Variants in PAOX observed in about 807,000 individuals in gnomAD.
PAOX encodes the protein peroxisomal N(1)-acetyl-spermine/spermidine oxidase.
In PAOX, 38 loss-of-function variants were observed where a neutral mutation model predicts 39.0. The ratio of observed to expected loss-of-function variants is 0.97; its 90% CI spans 0.75 to 1.28. The LOEUF is 1.28. Ranked by LOEUF, PAOX falls within the 50% of genes most tolerant of loss-of-function variation. The pLI is 0.00. For missense variants in PAOX, 667 were observed against 685.7 expected, an observed-to-expected ratio of 0.97 and a Z score of 0.30; for synonymous variants, 311 against 314.4, an observed-to-expected ratio of 0.99 and a Z score of 0.11.
intron 4 of PAOX, among the ~76,000 whole-genome samples, chr10:133,385,971 CTTAAAA>C (rs1849521536): frequency 2.0e-5 from 3 of 150,444 alleles, no homozygotes. Flanking sequence ...TGAATATTTT[CTTAAAA>C]TTTAATGAAG....
Position 133,389,014 on chromosome 10 carries a change from C to T in PAOX, c.1180C>T (p.Leu394=). Residue 394 remains leucine, a synonymous_variant, in exon 5 of 7, where the codon CTG becomes TTG. Coordinates refer to ENST00000278060, the MANE Select transcript of PAOX (RefSeq NM_152911.4). ...ACTTGAGTCTGAGTTCATGGAGACT[C>T]TGTCGGATGAAGAAGTACTTCTGTG... The part of the protein sequence containing the change: ...AGLESEFMET[L]SDEEVLLCLT... The T allele has an allele frequency of 6.2e-7, 1 of 1,614,176 alleles. No homozygotes were observed. The highest frequency in any genetic ancestry group is 8.5e-7 in the Non-Finnish European group (1 of 1,180,032).
At chr10:133,386,974 G>A (rs7897693) in intron 4 of PAOX, among the ~76,000 whole-genome samples, 135,169 of 152,252 alleles carry the variant, frequency 0.89, 60,771 homozygotes, top group East Asian at 0.97. Context: ...TCTATCCATG[G>A]CTTTAGTCAT....
intron 2 of PAOX, among the ~76,000 whole-genome samples, chr10:133,380,973 A>G (rs1849352121): frequency 6.6e-6 from 1 of 152,242 alleles, no homozygotes; most frequent in Non-Finnish European, 1.5e-5. Context: ...GTGAGACTCC[A>G]TCTCAAAAGA....
At chr10:133,383,829 A>C (rs1849461517) in intron 3 of PAOX, 131 bp from the exon 4 acceptor site, 2 of 1,245,334 alleles carry the variant, frequency 1.6e-6, no homozygotes, top group Non-Finnish European at 2.2e-6. Flanking sequence ...ACAAAAAAGT[A>C]AAACTGCTTG....
At position 133,379,388 on chromosome 10, in the gene PAOX, G is replaced by A. The variant is rs1037104395; in HGVS notation, c.72G>A (p.Ala24=). 3 of 1,221,492 alleles carry A rather than the reference G, an allele frequency of 2.5e-6. No individual in the cohort carries two copies. Among genetic ancestry groups the A allele is most frequent in the Non-Finnish European group, 3.1e-6 (3 of 981,624 alleles). The allele number at this position is 1,221,492 out of a possible 1,614,324, so 75.7% of individuals were successfully genotyped here. A position where few individuals can be genotyped will look rare whatever the true frequency, so the allele number is the denominator to read the frequency against. The change falls in exon 1 of 7, where the codon GCG becomes GCA. Residue 24 remains alanine (A), a synonymous_variant. Coordinates refer to ENST00000278060, the MANE Select transcript of PAOX (RefSeq NM_152911.4). ...TGCTGGTGGTGGGCGGCGGCATCGC[G>A]GGGCTGGGCGCGGCGCAGAGGCTCT... The part of the protein sequence containing the change: ...PRVLVVGGGI[A]GLGAAQRLCG...
At position 133,389,005 on chromosome 10, in the gene PAOX, A is replaced by C; in HGVS notation, c.1171A>C (p.Met391Leu). The change falls in exon 5 of 7, where the codon ATG (methionine) becomes CTG (leucine). Residue 391 changes from methionine (M) to leucine (L), a missense_variant. Physicochemically the swap from Met to Leu is conservative, Grantham distance 15 (BLOSUM62 2). Coordinates refer to ENST00000278060, the MANE Select transcript of PAOX (RefSeq NM_152911.4). ...CATTGCCGGACTTGAGTCTGAGTTCATGGAGACTCTGTCGGATGAAGAAGT... is the reference window on the plus strand; with the variant it reads ...CATTGCCGGACTTGAGTCTGAGTTCCTGGAGACTCTGTCGGATGAAGAAGT... ...GFIAGLESEF[M>L]ETLSDEEVLL... 6.2e-7 allele frequency: 1 copy of C among 1,613,976 alleles called. No homozygotes were observed. Among genetic ancestry groups the C allele is most frequent in the East Asian group, 2.2e-5 (1 of 44,868 alleles).
chr10:133,387,224 A>C (rs1038992427), intron 4 of PAOX, among the ~76,000 whole-genome samples: 4 of 152,134 alleles, frequency 2.6e-5, no homozygotes, highest in Non-Finnish European at 4.4e-5. Context: ...GGTTGCAGTG[A>C]GCTGTGATCA....
intron 4 of PAOX, among the ~76,000 whole-genome samples, chr10:133,386,853 A>G (rs1451817318): frequency 6.6e-6 from 1 of 152,232 alleles, no homozygotes; most frequent in Non-Finnish European, 1.5e-5. Flanking sequence ...ATGTAGTAGT[A>G]ATTCCTTAAA....
At position 133,384,161 on chromosome 10, in the gene PAOX, A is replaced by G; in HGVS notation, c.1070A>G (p.Gln357Arg). The G allele has an allele frequency of 6.2e-7, 1 of 1,614,188 alleles. No individual in the cohort carries two copies. The change falls in exon 4 of 7, where the codon CAG becomes CGG. Residue 357 changes from glutamine to arginine, a missense_variant. Coordinates refer to ENST00000278060, the MANE Select transcript of PAOX (RefSeq NM_152911.4). This position sits in a 1 kb window ranked among gnomAD's most constrained non-coding sequence, Gnocchi z 4.3. ...SPLEDAAPELQDAWFRKLIGF... is the reference protein window; with the variant it reads ...SPLEDAAPELRDAWFRKLIGF... ...CTGGAGGATGCTGCCCCTGAGCTAC[A>G]GGACGCCTGGTTCCGGAAGCTCATT...
intron 3 of PAOX, 24 bp downstream of exon 3, chr10:133,381,683 C>G (rs752302844): frequency 6.2e-7 from 1 of 1,609,838 alleles, no homozygotes. Context: ...TCAGCCCAAA[C>G]CCCCATCCCA....
chr10:133,390,110 G>A (rs1203385047), intron 6 of PAOX, among the ~76,000 whole-genome samples: 1 of 152,098 alleles, frequency 6.6e-6, no homozygotes, highest in Non-Finnish European at 1.5e-5. Flanking sequence ...TGTGCAAAAT[G>A]TCAAACATAC....
chr10:133,385,792 C>A (rs1849515817), intron 4 of PAOX, among the ~76,000 whole-genome samples: 1 of 152,022 alleles, frequency 6.6e-6, no homozygotes, highest in South Asian at 2.1e-4. Context: ...ACCGTGTTAG[C>A]CAGGATGGTC....
rs756764269 is a variant in PAOX at position 133,389,088 on chromosome 10, G to A, written c.1234+20G>A. 25 of 1,553,856 alleles carry A rather than the reference G, an allele frequency of 1.6e-5. No homozygotes were observed. The East Asian group carries it at 3.4e-4, about 21-fold the overall frequency. ...TGACAGGTAGGTACTCACCACACAC[G>A]CTGGTTCCTGCCTCTGCTCGTTACT... On this transcript the variant is annotated intron_variant, in intron 5 of 6. Coordinates refer to ENST00000278060, the MANE Select transcript of PAOX (RefSeq NM_152911.4).
At chr10:133,381,972 G>T (rs1257798462) in intron 3 of PAOX, among the ~76,000 whole-genome samples, 1 of 124,980 alleles carries the variant, frequency 8.0e-6, no homozygotes, top group African/African-American at 2.9e-5. Context: ...GGCATGAAAG[G>T]CCTGGTCTGA....
intron 3 of PAOX, 132 bp from the exon 4 acceptor site, chr10:133,383,828 T>G: frequency 8.0e-7 from 1 of 1,242,476 alleles, no homozygotes; most frequent in Non-Finnish European, 1.1e-6. Flanking sequence ...GACAAAAAAG[T>G]AAAACTGCTT....
intron 4 of PAOX, 51 bp from the exon 5 acceptor site, chr10:133,388,905 C>G (rs760586033): frequency 3.7e-6 from 3 of 814,660 alleles, no homozygotes; most frequent in African/African-American, 1.7e-5. Flanking sequence ...TCCCAGGGCT[C>G]TCTTTCTCCA....
chr10:133,381,802 A>C, intron 3 of PAOX, 143 bp downstream of exon 3: 1 of 828,280 alleles, frequency 1.2e-6, no homozygotes, highest in Non-Finnish European at 1.9e-6. Flanking sequence ...GGAAGGAATG[A>C]TTCTGTTATG....
At position 133,380,345 on chromosome 10, in the gene PAOX, C is replaced by CA. The variant is rs1353071776; in HGVS notation, c.529dup (p.Arg177LysfsTer47). On this transcript the variant is annotated frameshift_variant, in exon 2 of 7. Coordinates refer to ENST00000278060, the MANE Select transcript of PAOX (RefSeq NM_152911.4). LOFTEE classifies it high-confidence loss of function. The stretch of plus-strand genomic sequence containing the variant: ...CCGGCTGGACAGAGGATGAGGAGAC[C>CA]AGGAAGCTGAAGCTGGCCGTCCTGA... 1 of 1,612,800 alleles carries CA rather than the reference C, an allele frequency of 6.2e-7. No homozygotes were observed. Among genetic ancestry groups the CA allele is most frequent in the Admixed American group, 1.7e-5 (1 of 60,012 alleles).
intron 4 of PAOX, among the ~76,000 whole-genome samples, chr10:133,388,535 C>T (rs1849584797): frequency 6.6e-6 from 1 of 152,356 alleles, no homozygotes; most frequent in South Asian, 2.1e-4. Context: ...GCATGTGGAT[C>T]CTGTTGCTGC....
Sources: allele counts gnomAD v4.1 joint callset (sites outside exome capture counted in the v4.1 genomes callset), GRCh38; gene constraint gnomAD v4.1.1; non-coding constraint Gnocchi (gnomAD v3.1); transcripts MANE v1.5; gene names NCBI Gene and HGNC (gene_info 2026-07-23, HGNC 2026-07-21).